The following EDRF1 variants were observed in gnomAD, a reference collection of about 807,000 sequenced individuals.
EDRF1 encodes the protein erythroid differentiation regulatory factor 1, also known as erythroid differentiation-related factor 1.
A neutral mutation model predicts 148.7 loss-of-function variants in EDRF1; 69 were observed. The observed-to-expected ratio is 0.46, with a 90% CI of 0.38 to 0.57. EDRF1 has a LOEUF of 0.57. Among genes scored for constraint, EDRF1 ranks in the 20% least tolerant of loss-of-function variants. The pLI, the probability that EDRF1 is intolerant of heterozygous loss-of-function variation, is 0.00. For synonymous variants in EDRF1, 515 were observed against 532.8 expected, an observed-to-expected ratio of 0.97 and a Z score of 0.46; for missense variants, 1,118 against 1,478.7, an observed-to-expected ratio of 0.76 and a Z score of 4.00.
In EDRF1 at chr10:125,743,154, G is replaced by A. The variant is rs1849122557; in HGVS notation, c.2468G>A (p.Ser823Asn). The change falls in exon 18 of 25, where the codon AGT (serine) becomes AAT (asparagine). Residue 823 changes from serine to asparagine, a missense_variant. Physicochemically the swap from Ser to Asn is conservative, Grantham distance 46. Around this residue, in one of 3 missense-constraint regions of EDRF1, gnomAD observed 954 missense variants for 1,241.4 expected, o/e 0.77. Transcript: ENST00000356792. ...GCTGCTAATGAAATCTTGCAGTTTA[G>A]TGACTTGAAAAGCCAAAATCCAGAA... is the stretch of plus-strand genomic sequence containing the variant. ...YEAANEILQF[S>N]DLKSQNPEHY... 1.9e-6 allele frequency: 3 copies of A among 1,613,928 alleles called. No individual in the cohort carries two copies. The highest frequency in any genetic ancestry group is 1.7e-6 in the Non-Finnish European group (2 of 1,179,920).
Position 125,745,805 on chromosome 10 carries a change from A to G in EDRF1, c.2689A>G (p.Thr897Ala), listed in dbSNP as rs751326938. The change falls in exon 19 of 25, where the codon ACC (threonine) becomes GCC (alanine). Residue 897 changes from threonine (T) to alanine (A), a missense_variant. Thr to Ala is a moderately conservative substitution (Grantham distance 58, BLOSUM62 0). Transcript: ENST00000356792. ...IHNFESIEDA[T>A]NAALLLCNTG... The stretch of plus-strand genomic sequence containing the variant: ...CAACTTTGAATCAATTGAGGATGCC[A>G]CCAATGCCGCCCTTTTATTATGTAA... The G allele has an allele frequency of 6.2e-7, 1 of 1,614,220 alleles. No homozygotes were observed. The highest frequency in any genetic ancestry group is 8.5e-7 in the Non-Finnish European group (1 of 1,180,040).
At chr10:125,723,210 A>G in intron 3 of EDRF1, 76 bp downstream of exon 3, 1 of 1,275,756 alleles carries the variant, frequency 7.8e-7, no homozygotes, top group Non-Finnish European at 1.1e-6. Context: ...TGTGTTTTGC[A>G]TAATATAAAT....
chr10:125,739,910 G>A (rs903594973), intron 15 of EDRF1, among the ~76,000 whole-genome samples: 9 of 152,160 alleles, frequency 5.9e-5, no homozygotes, highest in South Asian at 2.1e-4. Context: ...AGAAGGTAGC[G>A]ATGGGCTGGA....
intron 24 of EDRF1, among the ~76,000 whole-genome samples, chr10:125,760,232 G>C (rs990884697): frequency 1.3e-5 from 2 of 152,128 alleles, no homozygotes; most frequent in Non-Finnish European, 2.9e-5. Flanking sequence ...CCACAAGATG[G>C]TAATATAAAT....
At position 125,752,915 on chromosome 10, in the gene EDRF1, G is replaced by A. The variant is rs1434657447; in HGVS notation, c.3393+1G>A. ...GGAGCTTATAGAAGAATTTGGCCAG[G>A]TACATGGAGAAAATGACTGTCTTTG... On this transcript the variant is annotated splice_donor_variant, in intron 23 of 24. Coordinates refer to ENST00000356792, the MANE Select transcript of EDRF1 (RefSeq NM_001202438.2). LOFTEE classifies it high-confidence loss of function. The A allele has an allele frequency of 1.2e-6, 2 of 1,607,206 alleles. No homozygotes were observed. Among genetic ancestry groups the A allele is most frequent in the Non-Finnish European group, 1.7e-6 (2 of 1,174,196 alleles).
chr10:125,756,782 G>T (rs146552999), intron 24 of EDRF1: 39 of 420,368 alleles, frequency 9.3e-5, no homozygotes, highest in African/African-American at 7.7e-4. Flanking sequence ...GCAATAGTTG[G>T]GTCTTGCTTT....
At chr10:125,761,256 C>T (rs1850181586) in intron 24 of EDRF1, 2 of 402,618 alleles carry the variant, frequency 5.0e-6, no homozygotes, top group African/African-American at 2.1e-5. Context: ...CATCATATGA[C>T]AACTGCATTG....
chr10:125,748,788 C>T (rs760798673), intron 21 of EDRF1: 12 of 158,912 alleles, frequency 7.6e-5, no homozygotes, highest in Non-Finnish European at 1.4e-4. Context: ...CTGCAACCTC[C>T]GCCTCCCAGG....
chr10:125,737,629 G>A (rs1436542844), intron 13 of EDRF1, among the ~76,000 whole-genome samples: 2 of 152,142 alleles, frequency 1.3e-5, no homozygotes, highest in Non-Finnish European at 2.9e-5. Flanking sequence ...CTAAATTGAC[G>A]CTAATTGTTA....
At chr10:125,733,286 T>C (rs770194749) in intron 9 of EDRF1, 118 bp from the exon 10 acceptor site, 16 of 782,206 alleles carry the variant, frequency 2.0e-5, no homozygotes, top group Non-Finnish European at 3.3e-5. Context: ...TTTAAACACT[T>C]TCATGCTACA....
chr10:125,747,617 G>C lies in EDRF1; in HGVS notation c.2896G>C (p.Glu966Gln). The C allele has an allele frequency of 6.2e-7, 1 of 1,614,092 alleles. No individual in the cohort carries two copies. The highest frequency in any genetic ancestry group is 2.2e-5 in the East Asian group (1 of 44,878). The change falls in exon 20 of 25, where the codon GAA becomes CAA. Residue 966 changes from glutamate (E) to glutamine (Q), a missense_variant. By Grantham distance (29) the Glu-to-Gln change is conservative. Around this residue, in one of 3 missense-constraint regions of EDRF1, gnomAD observed 954 missense variants for 1,241.4 expected, o/e 0.77. Coordinates refer to ENST00000356792, the MANE Select transcript of EDRF1 (RefSeq NM_001202438.2). ...HPAVWDSVNW[E>Q]LSTTYFTMAT... ...AGCTGTTTGGGATTCAGTGAACTGG[G>C]AATTGTCCACTACTTACTTTACTAT...
intron 2 of EDRF1, among the ~76,000 whole-genome samples, chr10:125,722,651 A>G (rs1269143159): frequency 6.6e-6 from 1 of 152,118 alleles, no homozygotes; most frequent in South Asian, 2.1e-4. Context: ...ATCACTAGAA[A>G]CACAATCTCA....
chr10:125,738,987 A>G (rs558824293), intron 15 of EDRF1, among the ~76,000 whole-genome samples: 1 of 152,306 alleles, frequency 6.6e-6, no homozygotes, highest in East Asian at 1.9e-4. Flanking sequence ...TAAATTATCT[A>G]GTTCTTCAGG....
At chr10:125,738,058 G>C in intron 14 of EDRF1, 69 bp downstream of exon 14, 3 of 1,485,484 alleles carry the variant, frequency 2.0e-6, no homozygotes, top group Non-Finnish European at 2.8e-6. Flanking sequence ...ACACTTGTTT[G>C]TTGGTATCTA....
At position 125,740,500 on chromosome 10, in the gene EDRF1, T is replaced by C; in HGVS notation, c.2019T>C (p.Ser673=). The change falls in exon 16 of 25, where the codon TCT becomes TCC. Residue 673 remains serine (S), a synonymous_variant. Coordinates refer to ENST00000356792, the MANE Select transcript of EDRF1 (RefSeq NM_001202438.2). ...AGAAGGGCAATTATTCCAGTCAATC[T>C]GGAATGATCCCTGGCTCTTGGCAAC... The part of the protein sequence containing the change: ...SLQKGNYSSQ[S]GMIPGSWQHK... 1 of 1,614,182 alleles carries C rather than the reference T, an allele frequency of 6.2e-7. No individual in the cohort carries two copies. Among genetic ancestry groups the C allele is most frequent in the Non-Finnish European group, 8.5e-7 (1 of 1,180,030 alleles).
intron 18 of EDRF1, among the ~76,000 whole-genome samples, chr10:125,744,089 T>C (rs542796245): frequency 6.6e-6 from 1 of 152,256 alleles, no homozygotes; most frequent in East Asian, 1.9e-4. Context: ...AAGGTAATAG[T>C]TGAAGCCGTG....
At chr10:125,748,941 G>C in intron 21 of EDRF1, 1 of 220,966 alleles carries the variant, frequency 4.5e-6, no homozygotes. Context: ...CCTGAATTTT[G>C]GTTGAGGACT....
chr10:125,758,900 A>C (rs1850055237), intron 24 of EDRF1, among the ~76,000 whole-genome samples: 1 of 152,012 alleles, frequency 6.6e-6, no homozygotes, highest in Admixed American at 6.5e-5. Context: ...CTGCACCCCC[A>C]CCTAACCCTT....
intron 24 of EDRF1, among the ~76,000 whole-genome samples, chr10:125,754,923 A>C (rs1489807002): frequency 6.6e-6 from 1 of 152,146 alleles, no homozygotes; most frequent in South Asian, 2.1e-4. Context: ...ATACAGTAAA[A>C]TGGACTCTTT....
Sources: allele counts gnomAD v4.1 joint callset (sites outside exome capture counted in the v4.1 genomes callset), GRCh38; gene constraint gnomAD v4.1.1; regional missense constraint gnomAD v4.1.1; transcripts MANE v1.5; gene names NCBI Gene and HGNC (gene_info 2026-07-23, HGNC 2026-07-21).